Variants in PTPRT observed in about 807,000 individuals in gnomAD.
PTPRT encodes the protein protein tyrosine phosphatase receptor type T.
A neutral mutation model predicts 176.8 loss-of-function variants in PTPRT; 56 were observed. That is an observed-to-expected ratio of 0.32 (90% confidence interval 0.26 to 0.40). The LOEUF (loss-of-function observed/expected upper bound fraction) is 0.40. Among genes scored for constraint, PTPRT ranks in the 10% least tolerant of loss-of-function variants. The probability of loss-of-function intolerance (pLI) is 1.00; values close to 1 mark genes in which losing one functional copy is unlikely to be tolerated. For missense variants in PTPRT, 1,540 were observed against 1,908.2 expected (o/e 0.81, Z 3.60); for synonymous variants, 783 against 739.0 (o/e 1.06, Z -0.96).
At chr20:42,879,142 T>C (rs567765439) in intron 2 of PTPRT, among the ~76,000 whole-genome samples, 1 of 152,324 alleles carries the variant, frequency 6.6e-6, no homozygotes, top group Admixed American at 6.5e-5. Context: ...TGATGTGTAA[T>C]TGACCTGGTT....
At chr20:42,271,500 T>C (rs1258204473) in intron 13 of PTPRT, among the ~76,000 whole-genome samples, 1 of 152,236 alleles carries the variant, frequency 6.6e-6, no homozygotes, top group Non-Finnish European at 1.5e-5. Flanking sequence ...CTTAAATCTG[T>C]AGTCTCCTTG....
rs148471697 is a variant in PTPRT, at chr20:42,264,345, A to T, written c.2177-15523T>A. Among the ~76,000 whole-genome samples the T allele has an allele frequency of 3.8e-4, 58 of 152,310 alleles. No individual in the cohort carries two copies. The East Asian group carries it at 0.011, about 29-fold the overall frequency. On this transcript the variant is annotated intron_variant, in intron 13 of 30. Coordinates refer to ENST00000373187, the MANE Select transcript of PTPRT (RefSeq NM_007050.6). ...GCAACAGAAAATGGCAGCTCAAATG[A>T]TGTACCAATAGCCTTGTGTCTGTCA...
At chr20:42,582,183 A>C (rs1362389286) in intron 7 of PTPRT, among the ~76,000 whole-genome samples, 1 of 152,126 alleles carries the variant, frequency 6.6e-6, no homozygotes, top group African/African-American at 2.4e-5. Flanking sequence ...AGAAGAGAGG[A>C]GGGAAGCACC....
chr20:42,646,495 C>T lies in PTPRT; in HGVS notation c.1153+31371G>A, dbSNP rs146828118. Among the ~76,000 whole-genome samples, 310 of 152,170 alleles carry T rather than the reference C, an allele frequency of 2.0e-3. 5 individuals are homozygous for T. Among genetic ancestry groups the T allele is most frequent in the East Asian group, 0.013 (68 of 5,176 alleles). ...CCCTTGATGGAAGAAACTTGTCCACCGAGCCCTAGAGCTGCACTTCCAATA... is the reference window on the plus strand; with the variant it reads ...CCCTTGATGGAAGAAACTTGTCCACTGAGCCCTAGAGCTGCACTTCCAATA... On this transcript the variant is annotated intron_variant, in intron 7 of 30. Transcript: ENST00000373187.
At chr20:42,204,856 A>G (rs985136291) in intron 15 of PTPRT, among the ~76,000 whole-genome samples, 4 of 152,094 alleles carry the variant, frequency 2.6e-5, no homozygotes, top group African/African-American at 9.7e-5. Context: ...ACATCCAGGG[A>G]CATTTCTCAC....
rs117300799 is a variant in PTPRT at position 42,280,197 on chromosome 20, C to T, written c.2176+2292G>A. 2.3e-3 allele frequency among the ~76,000 whole-genome samples: 346 copies of T among 152,204 alleles called. 2 individuals are homozygous for T. The highest frequency in any genetic ancestry group is 5.4e-3 in the East Asian group (28 of 5,162). ...ATACAAACTCCTCACGGGCAGTGGA[C>T]GGATTTATAATAGATAGGGTTTGCC... On this transcript the variant is annotated intron_variant, in intron 13 of 30. Coordinates refer to ENST00000373187, the MANE Select transcript of PTPRT (RefSeq NM_007050.6).
At chr20:42,755,765 A>C (rs1250370515) in intron 6 of PTPRT, among the ~76,000 whole-genome samples, 2 of 152,220 alleles carry the variant, frequency 1.3e-5, no homozygotes, top group African/African-American at 2.4e-5. Flanking sequence ...AAAGAAAAAA[A>C]CAAGACACGT....
At chr20:42,963,693 A>C (rs1270006899) in intron 1 of PTPRT, among the ~76,000 whole-genome samples, 5 of 152,168 alleles carry the variant, frequency 3.3e-5, no homozygotes, top group African/African-American at 1.2e-4. Flanking sequence ...AAAATGAGTA[A>C]GGCTTATATA....
chr20:42,710,061 A>C (rs1489672966), intron 6 of PTPRT, among the ~76,000 whole-genome samples: 1 of 152,210 alleles, frequency 6.6e-6, no homozygotes, highest in Non-Finnish European at 1.5e-5. Flanking sequence ...GCCTATGATC[A>C]GATGTGGGAA....
At chr20:43,031,196 C>T (rs1317289783) in intron 1 of PTPRT, among the ~76,000 whole-genome samples, 1 of 152,142 alleles carries the variant, frequency 6.6e-6, no homozygotes, top group East Asian at 1.9e-4. Flanking sequence ...CTCCTTTCCA[C>T]AGAAGGACGT....
intron 7 of PTPRT, among the ~76,000 whole-genome samples, chr20:42,609,938 C>T (rs1353751595): frequency 3.3e-5 from 5 of 152,324 alleles, no homozygotes; most frequent in Admixed American, 2.0e-4. Flanking sequence ...GTGCTGTGGC[C>T]TCCAGGAGCT....
intron 6 of PTPRT, among the ~76,000 whole-genome samples, chr20:42,700,611 G>T (rs188401332): frequency 6.6e-6 from 1 of 152,034 alleles, no homozygotes; most frequent in Admixed American, 6.6e-5. Context: ...AGAATTCCTC[G>T]CATCCCTCGT....
rs766199816 is a variant in PTPRT, at chr20:42,239,712, G to A, written c.2313-3454C>T. Reference sequence around the variant, plus strand: ...GCTGGGATTACAGGCATGAACCGCCGTGCCCAGCCCATAGCTCATGTTCTT... The same window carrying A: ...GCTGGGATTACAGGCATGAACCGCCATGCCCAGCCCATAGCTCATGTTCTT... On this transcript the variant is annotated intron_variant, in intron 14 of 30. Coordinates refer to ENST00000373187, the MANE Select transcript of PTPRT (RefSeq NM_007050.6). Among the ~76,000 whole-genome samples, 9 of 152,024 alleles carry A rather than the reference G, an allele frequency of 5.9e-5. No individual in the cohort carries two copies. In the East Asian group the frequency reaches 7.7e-4, roughly 13 times the overall value.
At chr20:42,281,850 T>C (rs544858198) in intron 13 of PTPRT, among the ~76,000 whole-genome samples, 2 of 152,314 alleles carry the variant, frequency 1.3e-5, no homozygotes, top group East Asian at 3.9e-4. Flanking sequence ...GGTTAAACGA[T>C]AGCAAACCAT....
At chr20:42,099,544 G>GGT (rs1379508564) in intron 26 of PTPRT, among the ~76,000 whole-genome samples, 4 of 49,056 alleles carry the variant, frequency 8.2e-5, no homozygotes, top group East Asian at 8.3e-4. Flanking sequence ...AAATGGCCTG[G>GGT]GCGGGGGGGG....
intron 1 of PTPRT, among the ~76,000 whole-genome samples, chr20:43,090,123 A>C (rs1057285409): frequency 6.6e-6 from 1 of 152,236 alleles, no homozygotes; most frequent in Non-Finnish European, 1.5e-5. Flanking sequence ...AAACAATACC[A>C]AAGAAAGAAG....
chr20:42,707,657 A>C (rs1276805007), intron 6 of PTPRT, among the ~76,000 whole-genome samples: 1 of 152,156 alleles, frequency 6.6e-6, no homozygotes. Context: ...AACCAGCAAC[A>C]AGGATGAGCC....
intron 2 of PTPRT, among the ~76,000 whole-genome samples, chr20:42,833,362 A>C (rs2078126425): frequency 3.3e-5 from 5 of 151,690 alleles, no homozygotes; most frequent in Admixed American, 3.3e-4. Flanking sequence ...GCCTGAGCCC[A>C]AGAATTTGAG....
chr20:43,048,459 G>A (rs1256840408), intron 1 of PTPRT, among the ~76,000 whole-genome samples: 1 of 152,096 alleles, frequency 6.6e-6, no homozygotes, highest in Non-Finnish European at 1.5e-5. Flanking sequence ...TGGCCCCATG[G>A]CAACCCGGAT....
Sources: gnomAD v4.1 joint callset for allele counts (sites outside exome capture counted in the v4.1 genomes callset) on GRCh38, gnomAD v4.1.1 for gene constraint, MANE v1.5 for transcripts, NCBI Gene and HGNC (gene_info 2026-07-23, HGNC 2026-07-21) for gene names.